PLCXD3: variants seen among roughly 807,000 people sequenced by gnomAD.
The protein encoded by PLCXD3 is phosphatidylinositol specific phospholipase C X domain containing 3.
Under a neutral mutation model 25.5 loss-of-function variants are expected in PLCXD3, and 19 were observed. The ratio of observed to expected loss-of-function variants is 0.75; its 90% CI spans 0.52 to 1.09. PLCXD3 has a LOEUF of 1.09. PLCXD3 is among the 50% of genes least tolerant of loss of function. The pLI is 0.00. For missense variants in PLCXD3, 411 were observed against 388.1 expected (o/e 1.06, Z -0.50); for synonymous variants, 174 against 137.6 (o/e 1.26, Z -1.85).
chr5:41,455,407 A>AT (rs1275443027), intron 1 of PLCXD3, among the ~76,000 whole-genome samples: 1 of 151,880 alleles, frequency 6.6e-6, no homozygotes, highest in African/African-American at 2.4e-5. Context: ...TTTAAATATG[A>AT]TTGACAAGTT....
At chr5:41,417,070 AC>A (rs1338931128) in intron 1 of PLCXD3, among the ~76,000 whole-genome samples, 2 of 152,208 alleles carry the variant, frequency 1.3e-5, no homozygotes, top group Non-Finnish European at 2.9e-5. Flanking sequence ...TGTGGCCAAC[AC>A]TAACATGTCT....
chr5:41,399,900 A>C (rs774823308), intron 1 of PLCXD3, among the ~76,000 whole-genome samples: 1 of 152,126 alleles, frequency 6.6e-6, no homozygotes, highest in Non-Finnish European at 1.5e-5. Flanking sequence ...CAACAAACTG[A>C]AGAGATACAG....
rs11737958 is a variant in PLCXD3 at position 41,312,062 on chromosome 5, A to T, written c.*1555T>A. 1 of 152,432 alleles carries T rather than the reference A, an allele frequency of 6.6e-6. No individual in the cohort carries two copies. The highest frequency in any genetic ancestry group is 1.5e-5 in the Non-Finnish European group (1 of 68,002). The allele number at this position is 152,432 out of a possible 1,614,324, so 9.4% of individuals were successfully genotyped here. On this transcript the variant is annotated 3_prime_UTR_variant, in exon 3 of 3. Coordinates refer to ENST00000377801, the MANE Select transcript of PLCXD3 (RefSeq NM_001005473.3). ...TAAACACCTCACAATATTCCTGTGAAGTACATAGGCAAGGATTATTGTGCT... is the reference window on the plus strand; with the variant it reads ...TAAACACCTCACAATATTCCTGTGATGTACATAGGCAAGGATTATTGTGCT...
At chr5:41,385,114 T>C (rs1745596927) in intron 1 of PLCXD3, among the ~76,000 whole-genome samples, 1 of 152,136 alleles carries the variant, frequency 6.6e-6, no homozygotes, top group Non-Finnish European at 1.5e-5. Flanking sequence ...AGTTTTCTAT[T>C]TGTTTGAATG....
intron 2 of PLCXD3, among the ~76,000 whole-genome samples, chr5:41,329,506 A>G (rs1344746377): frequency 1.3e-5 from 2 of 152,230 alleles, no homozygotes; most frequent in African/African-American, 4.8e-5. Context: ...CATAATTCAT[A>G]AAAATGCTAC....
At chr5:41,505,457 C>T (rs1239308217) in intron 1 of PLCXD3, among the ~76,000 whole-genome samples, 1 of 152,144 alleles carries the variant, frequency 6.6e-6, no homozygotes, top group Non-Finnish European at 1.5e-5. Flanking sequence ...TCTGATGCTA[C>T]ATTTTGCATT....
At chr5:41,428,204 T>G (rs1379992254) in intron 1 of PLCXD3, among the ~76,000 whole-genome samples, 1 of 152,094 alleles carries the variant, frequency 6.6e-6, no homozygotes, top group Non-Finnish European at 1.5e-5. Context: ...ACACAGGAAT[T>G]TCTTTATCTT....
intron 1 of PLCXD3, among the ~76,000 whole-genome samples, chr5:41,489,335 T>C (rs1748597530): frequency 1.3e-5 from 2 of 152,132 alleles, no homozygotes; most frequent in Admixed American, 1.3e-4. Context: ...TACTGTAGCC[T>C]TGTAGTATAG....
chr5:41,314,380 A>G (rs1438600391), intron 2 of PLCXD3, among the ~76,000 whole-genome samples: 3 of 152,242 alleles, frequency 2.0e-5, no homozygotes. Context: ...AACAAAACAG[A>G]TAAAAATATC....
intron 1 of PLCXD3, among the ~76,000 whole-genome samples, chr5:41,433,655 C>T (rs1747168710): frequency 6.6e-6 from 1 of 152,160 alleles, no homozygotes; most frequent in Admixed American, 6.5e-5. Context: ...ATTACTGACT[C>T]ACAAAAATGA....
chr5:41,467,978 A>G (rs1016519175), intron 1 of PLCXD3, among the ~76,000 whole-genome samples: 1 of 138,662 alleles, frequency 7.2e-6, no homozygotes, highest in African/African-American at 2.6e-5. Context: ...ATATGTTTTG[A>G]AATCAGGAGT....
intron 1 of PLCXD3, among the ~76,000 whole-genome samples, chr5:41,393,926 T>C: frequency 6.6e-6 from 1 of 151,172 alleles, no homozygotes; most frequent in East Asian, 1.9e-4. Flanking sequence ...TGAGAATCCA[T>C]CAAAAAAAGA....
At chr5:41,422,542 A>C (rs950684273) in intron 1 of PLCXD3, among the ~76,000 whole-genome samples, 6 of 152,186 alleles carry the variant, frequency 3.9e-5, no homozygotes, top group African/African-American at 1.2e-4. Flanking sequence ...AGATATATTA[A>C]AAAATTGAAA....
At chr5:41,339,133 GTAGTTTGCTAGCATA>G (rs1445256967) in intron 2 of PLCXD3, among the ~76,000 whole-genome samples, 2 of 152,046 alleles carry the variant, frequency 1.3e-5, no homozygotes, top group Non-Finnish European at 2.9e-5. Flanking sequence ...AGAGTCAACA[GTAGTTTGCTAGCATA>G]TATATTCTTC....
At chr5:41,363,483 A>G (rs770024951) in intron 2 of PLCXD3, among the ~76,000 whole-genome samples, 1 of 152,194 alleles carries the variant, frequency 6.6e-6, no homozygotes, top group Non-Finnish European at 1.5e-5. Flanking sequence ...ACATCCCAAT[A>G]CTTATAAGCT....
chr5:41,452,366 T>C (rs905219464), intron 1 of PLCXD3, among the ~76,000 whole-genome samples: 23 of 152,000 alleles, frequency 1.5e-4, no homozygotes, highest in African/African-American at 5.6e-4. Context: ...TGAAGGAATG[T>C]TTCAAAAGGA....
chr5:41,336,558 C>A (rs1743985474), intron 2 of PLCXD3, among the ~76,000 whole-genome samples: 2 of 152,080 alleles, frequency 1.3e-5, no homozygotes, highest in Non-Finnish European at 2.9e-5. Flanking sequence ...TTGTGATGAG[C>A]CTCCCAGAGC....
At chr5:41,400,132 A>G (rs1261624384) in intron 1 of PLCXD3, among the ~76,000 whole-genome samples, 1 of 152,152 alleles carries the variant, frequency 6.6e-6, no homozygotes, top group Non-Finnish European at 1.5e-5. Flanking sequence ...TCAAAACTAC[A>G]ATGAAATATC....
intron 2 of PLCXD3, among the ~76,000 whole-genome samples, chr5:41,340,033 T>C (rs942228130): frequency 6.6e-6 from 1 of 152,324 alleles, no homozygotes; most frequent in Admixed American, 6.5e-5. Flanking sequence ...TCTCTGTTTG[T>C]GTATGTGTTT....
Sources: gnomAD v4.1 joint callset for allele counts (sites outside exome capture counted in the v4.1 genomes callset) on GRCh38, gnomAD v4.1.1 for gene constraint, MANE v1.5 for transcripts, NCBI Gene and HGNC (gene_info 2026-07-23, HGNC 2026-07-21) for gene names.